The following PDE10A variants were observed in gnomAD, a reference collection of about 807,000 sequenced individuals.
PDE10A encodes the protein phosphodiesterase 10A, also known as cAMP and cAMP-inhibited cGMP 3',5'-cyclic phosphodiesterase 10A.
PDE10A carries 39 observed loss-of-function variants against 97.7 expected under a neutral mutation model. That is an observed-to-expected ratio of 0.40 (90% CI 0.31 to 0.52). The LOEUF (loss-of-function observed/expected upper bound fraction) is 0.52, where lower values mean the gene tolerates loss of function less well. Ranked by LOEUF, PDE10A falls within the 20% of genes least tolerant of loss-of-function variation. The pLI is 0.56. For synonymous variants in PDE10A, 371 were observed against 376.8 expected (o/e 0.98, Z 0.18); for missense variants, 731 against 1,047.8 (o/e 0.70, Z 4.17).
intron 1 of PDE10A, among the ~76,000 whole-genome samples, chr6:165,735,053 T>G (rs1792536519): frequency 6.7e-6 from 1 of 149,082 alleles, no homozygotes; most frequent in African/African-American, 2.5e-5. Flanking sequence ...AATAGGGAGG[T>G]AGACAGATAG....
chr6:165,707,573 G>A (rs4072785), intron 1 of PDE10A, among the ~76,000 whole-genome samples: 3 of 152,122 alleles, frequency 2.0e-5, no homozygotes, highest in Non-Finnish European at 4.4e-5. Context: ...AACTGGACAT[G>A]CTTGCACTGT....
chr6:165,898,076 C>G (rs1191333583), intron 1 of PDE10A, among the ~76,000 whole-genome samples: 2 of 151,294 alleles, frequency 1.3e-5, no homozygotes, highest in Non-Finnish European at 2.9e-5. Flanking sequence ...CCCCCTCCTA[C>G]CTTGCGCTGG....
chr6:165,490,553 C>G (rs1013169069), intron 2 of PDE10A, among the ~76,000 whole-genome samples: 5 of 152,038 alleles, frequency 3.3e-5, no homozygotes, highest in African/African-American at 1.2e-4. Flanking sequence ...GAAAAAAACC[C>G]AAGGTATTAA....
chr6:165,452,599 A>G (rs1217086341), intron 3 of PDE10A, among the ~76,000 whole-genome samples: 1 of 152,170 alleles, frequency 6.6e-6, no homozygotes, highest in Middle Eastern at 3.2e-3. Flanking sequence ...CACAGCAGTA[A>G]GGCCCTCACC....
intron 1 of PDE10A, among the ~76,000 whole-genome samples, chr6:165,850,810 T>C (rs926359006): frequency 2.0e-5 from 3 of 152,222 alleles, no homozygotes; most frequent in African/African-American, 7.2e-5. Flanking sequence ...AATTAAAATG[T>C]TTTTTAAAGA....
At chr6:165,650,510 G>A (rs1789628494) in intron 1 of PDE10A, among the ~76,000 whole-genome samples, 4 of 152,136 alleles carry the variant, frequency 2.6e-5, no homozygotes, top group Admixed American at 2.6e-4. Flanking sequence ...GAGTGTGTGT[G>A]TATGTTGTTT....
intron 1 of PDE10A, among the ~76,000 whole-genome samples, chr6:165,839,362 T>C (rs1222198848): frequency 6.6e-6 from 1 of 152,240 alleles, no homozygotes; most frequent in Non-Finnish European, 1.5e-5. Flanking sequence ...TGACTACAGT[T>C]GTAAATTTTC....
intron 1 of PDE10A, among the ~76,000 whole-genome samples, chr6:165,546,163 A>ATTTT (rs1211064594): frequency 1.3e-5 from 2 of 152,086 alleles, no homozygotes; most frequent in African/African-American, 4.8e-5. Context: ...GCCAGTCTAA[A>ATTTT]AAGGATACAT....
chr6:165,693,730 G>A lies in PDE10A; in HGVS notation c.-614-150162C>T, dbSNP rs1791369727. On this transcript the variant is annotated intron_variant, in intron 1 of 19. Transcript: ENST00000366882. ...CGATGTTCCCCAATCTGAAAGAACA[G>A]TACTGTGCTTCCCATATCTTGGCAC... is the stretch of plus-strand genomic sequence containing the variant. Among the ~76,000 whole-genome samples, 3 of 152,154 alleles carry A rather than the reference G, an allele frequency of 2.0e-5. 1 individual carries two copies. Among genetic ancestry groups the A allele is most frequent in the South Asian group, 4.1e-4 (2 of 4,826 alleles).
intron 1 of PDE10A, among the ~76,000 whole-genome samples, chr6:165,957,616 T>G (rs1265368303): frequency 6.6e-6 from 1 of 152,238 alleles, no homozygotes; most frequent in African/African-American, 2.4e-5. Context: ...TTTGTGCAAT[T>G]TGACTCCAAA....
At chr6:165,492,840 A>G (rs917986086) in intron 2 of PDE10A, among the ~76,000 whole-genome samples, 3 of 152,172 alleles carry the variant, frequency 2.0e-5, no homozygotes, top group Non-Finnish European at 4.4e-5. Flanking sequence ...TCCTAGCCAC[A>G]GCAATCAAAC....
chr6:165,697,998 A>C (rs1285783064), intron 1 of PDE10A, among the ~76,000 whole-genome samples: 1 of 152,206 alleles, frequency 6.6e-6, no homozygotes, highest in African/African-American at 2.4e-5. Flanking sequence ...CAACCCCTAG[A>C]ATGAGCACCT....
At chr6:165,433,196 C>G in intron 6 of PDE10A, 67 bp from the exon 7 acceptor site, 1 of 1,247,158 alleles carries the variant, frequency 8.0e-7, no homozygotes, top group Non-Finnish European at 1.1e-6. Flanking sequence ...ATTCTTATTT[C>G]TATCAGAAAT....
intron 1 of PDE10A, among the ~76,000 whole-genome samples, chr6:165,640,072 GA>G (rs58783268): frequency 0.093 from 12,880 of 138,586 alleles, 652 homozygotes; most frequent in African/African-American, 0.16. Flanking sequence ...TCTGTCACCA[GA>G]AAAAAAAAAA....
At chr6:165,413,730 G>A (rs746253655) in intron 12 of PDE10A, 43 bp from the exon 13 acceptor site, 17 of 1,482,436 alleles carry the variant, frequency 1.1e-5, no homozygotes, top group African/African-American at 1.4e-5. Context: ...CAACAAAAGG[G>A]CAGAAGAAAT....
intron 1 of PDE10A, chr6:165,781,791 G>C (rs1216733555): frequency 6.6e-6 from 1 of 152,328 alleles, no homozygotes; most frequent in African/African-American, 2.4e-5. Flanking sequence ...ACAAGCCCAG[G>C]AGTGCGGACG....
chr6:165,638,075 C>T (rs1428506397), intron 1 of PDE10A, among the ~76,000 whole-genome samples: 1 of 152,106 alleles, frequency 6.6e-6, no homozygotes, highest in Admixed American at 6.6e-5. Flanking sequence ...GTCAGAAATT[C>T]TCTGTGCTGG....
chr6:165,691,104 T>TC (rs1164864284), intron 1 of PDE10A, among the ~76,000 whole-genome samples: 3 of 30,048 alleles, frequency 1.0e-4, no homozygotes, highest in African/African-American at 3.9e-4. Flanking sequence ...TCTCTTTCTC[T>TC]CTCCCCCCCC....
chr6:165,812,164 T>G (rs1342179443), intron 1 of PDE10A, among the ~76,000 whole-genome samples: 1 of 152,224 alleles, frequency 6.6e-6, no homozygotes, highest in Non-Finnish European at 1.5e-5. Context: ...CCAGTGTCTT[T>G]ATAATAAACC....
Sources: allele counts gnomAD v4.1 joint callset (sites outside exome capture counted in the v4.1 genomes callset), GRCh38; gene constraint gnomAD v4.1.1; transcripts MANE v1.5; gene names NCBI Gene and HGNC (gene_info 2026-07-23, HGNC 2026-07-21).